PWWP2A: variants seen among roughly 807,000 people sequenced by gnomAD.
The protein encoded by PWWP2A is PWWP domain containing 2A.
In PWWP2A, 18 loss-of-function variants were observed where a neutral mutation model predicts 48.5. That is an observed-to-expected ratio of 0.37 (90% CI 0.26 to 0.55). The LOEUF (loss-of-function observed/expected upper bound fraction) is 0.55. PWWP2A is among the 20% of genes least tolerant of loss of function. The probability of loss-of-function intolerance (pLI) is 0.81; values close to 1 mark genes in which losing one functional copy is unlikely to be tolerated. For synonymous variants in PWWP2A, 396 were observed against 387.7 expected (o/e 1.02, Z -0.25); for missense variants, 867 against 976.4 (o/e 0.89, Z 1.49).
chr5:160,079,159 C>T (rs1382420929), intron 3 of PWWP2A, among the ~76,000 whole-genome samples: 2 of 152,066 alleles, frequency 1.3e-5, no homozygotes, highest in Non-Finnish European at 2.9e-5. Flanking sequence ...ACACATCAAA[C>T]ACAATGCAAC....
intron 1 of PWWP2A, among the ~76,000 whole-genome samples, chr5:160,100,634 T>G (rs1448787799): frequency 6.6e-6 from 1 of 152,034 alleles, no homozygotes; most frequent in African/African-American, 2.4e-5. Context: ...AACAATAATA[T>G]CCAGATTCAT....
At chr5:160,053,110 C>T in the PWWP2A span, among the ~76,000 whole-genome samples, 1 of 152,092 alleles carries the variant, frequency 6.6e-6, no homozygotes, top group Non-Finnish European at 1.5e-5. Context: ...ATTCCTTCCT[C>T]CTTGTTGCTG....
chr5:160,067,537 A>C (rs1466190016), intron 2 of PWWP2A, among the ~76,000 whole-genome samples: 1 of 152,162 alleles, frequency 6.6e-6, no homozygotes, highest in Non-Finnish European at 1.5e-5. Context: ...CGAGACTACC[A>C]TTGCCACGAG....
At chr5:160,086,238 C>T (rs1390089372) in intron 2 of PWWP2A, among the ~76,000 whole-genome samples, 1 of 152,186 alleles carries the variant, frequency 6.6e-6, no homozygotes, top group Non-Finnish European at 1.5e-5. Flanking sequence ...AAATATTTAG[C>T]TGGGCACAGT....
downstream of PWWP2A, among the ~76,000 whole-genome samples, chr5:160,059,513 A>T (rs1757640151): frequency 6.6e-6 from 1 of 152,212 alleles, no homozygotes; most frequent in Non-Finnish European, 1.5e-5. Context: ...TCATGTGTTC[A>T]TTGAAGTAGC....
chr5:160,097,336 CAAAAAAAAAAAAAAA>C (rs70987999), intron 1 of PWWP2A, among the ~76,000 whole-genome samples: 2 of 34,360 alleles, frequency 5.8e-5, no homozygotes, highest in Non-Finnish European at 1.0e-4. Context: ...GCCTTTGTCT[CAAAAAAAAAAAAAAA>C]AAAAAAAAAA....
At chr5:160,086,196 A>G (rs28583987) in intron 2 of PWWP2A, among the ~76,000 whole-genome samples, 41 of 152,298 alleles carry the variant, frequency 2.7e-4, no homozygotes, top group African/African-American at 9.9e-4. Flanking sequence ...CTTTTTAATG[A>G]TACTTTACAA....
chr5:160,109,772 A>AATATATATATATAT (rs1255060123), intron 1 of PWWP2A, among the ~76,000 whole-genome samples: 1 of 27,874 alleles, frequency 3.6e-5, no homozygotes, highest in Non-Finnish European at 6.9e-5. Flanking sequence ...AAAAAAAAAA[A>AATATATATATATAT]AAATATATAT....
At chr5:160,056,170 T>A in the PWWP2A span, among the ~76,000 whole-genome samples, 1 of 152,280 alleles carries the variant, frequency 6.6e-6, no homozygotes, top group African/African-American at 2.4e-5. Context: ...AAAGAAACCA[T>A]AACACAAAGA....
At chr5:160,110,029 TTC>T (rs1345460921) in intron 1 of PWWP2A, among the ~76,000 whole-genome samples, 25 of 151,310 alleles carry the variant, frequency 1.7e-4, no homozygotes, top group Admixed American at 1.1e-3. Context: ...CTTTTTTTTT[TTC>T]TTTTTTTGAG....
In PWWP2A at chr5:160,093,236, G is replaced by C; in HGVS notation, c.1414C>G (p.Pro472Ala). Reference sequence around the variant, plus strand: ...CTCTGTGGTTTTAAACGAACCCGGGGTGGAAGGGAACCTGAGCTAGGATTC... The same window carrying C: ...CTCTGTGGTTTTAAACGAACCCGGGCTGGAAGGGAACCTGAGCTAGGATTC... ...YQNPSSGSLP[P>A]RVRLKPQRYR... The change falls in exon 2 of 2, where the codon CCC becomes GCC. Residue 472 changes from proline to alanine, a missense_variant. Transcript: ENST00000307063. This position sits in a 1 kb window ranked among gnomAD's most constrained non-coding sequence, Gnocchi z 5.8. The C allele has an allele frequency of 6.2e-7, 1 of 1,614,030 alleles. No individual in the cohort carries two copies. The highest frequency in any genetic ancestry group is 1.1e-5 in the South Asian group (1 of 91,086).
chr5:160,118,897 G>T lies in PWWP2A; in HGVS notation c.492C>A (p.Val164=). The change falls in exon 1 of 2, where the codon GTC becomes GTA. Residue 164 remains valine, a synonymous_variant. Coordinates refer to ENST00000307063, the MANE Select transcript of PWWP2A (RefSeq NM_001130864.2). ...CGTCCTCAATGATGTGGTCCAGCGT[G>T]ACCCGCACCTCCGAGCCCGGGATCA... ...SQLIPGSEVR[V]TLDHIIEDAL... is the part of the protein sequence containing the mutation. 6.2e-7 allele frequency: 1 copy of T among 1,601,996 alleles called. No homozygotes were observed. Among genetic ancestry groups the T allele is most frequent in the East Asian group, 2.3e-5 (1 of 43,640 alleles).
Position 160,092,522 on chromosome 5 carries a change from A to G in PWWP2A, c.2128T>C (p.Ser710Pro). ...TTSFLALSQL[S>P]PFLENFQSRF... ...GACTGGAAGTTTTCTAAAAAGGGGG[A>G]GAGTTGTGAAAGAGCAAGGAAAGAT... The change falls in exon 2 of 2, where the codon TCC becomes CCC. Residue 710 changes from serine (S) to proline (P), a missense_variant. Ser to Pro is a moderately conservative substitution (Grantham distance 74, BLOSUM62 -1). This residue lies in a region of PWWP2A where 97 missense variants were observed against 151.7 expected (regional missense o/e 0.64). Transcript: ENST00000307063. 1.3e-6 allele frequency: 2 copies of G among 1,551,486 alleles called. No homozygotes were observed. The highest frequency in any genetic ancestry group is 1.7e-6 in the Non-Finnish European group (2 of 1,146,958).
intron 1 of PWWP2A, among the ~76,000 whole-genome samples, chr5:160,107,933 G>A (rs1364897211): frequency 3.9e-5 from 6 of 152,078 alleles, no homozygotes; most frequent in Non-Finnish European, 7.4e-5. Flanking sequence ...CCCGAAAGGC[G>A]GAGGTTCCAG....
intron 4 of PWWP2A, chr5:160,064,889 G>A: frequency 6.3e-7 from 1 of 1,589,576 alleles, no homozygotes. Flanking sequence ...TCCTGCTTCT[G>A]TTCATTCCTG....
At chr5:160,081,307 C>T (rs1754216472) in intron 2 of PWWP2A, among the ~76,000 whole-genome samples, 3 of 147,502 alleles carry the variant, frequency 2.0e-5, no homozygotes, top group Non-Finnish European at 4.4e-5. Flanking sequence ...GGCACGATCT[C>T]GGCTCACTGC....
chr5:160,079,641 A>C (rs1226371565), intron 3 of PWWP2A, among the ~76,000 whole-genome samples: 4 of 152,216 alleles, frequency 2.6e-5, no homozygotes, highest in Non-Finnish European at 4.4e-5. Flanking sequence ...ATTTCCTTCT[A>C]TTTATGACTC....
rs989607370 is a variant in PWWP2A, at chr5:160,119,430, G to A, written c.-42C>T. On this transcript the variant is annotated 5_prime_UTR_variant, in exon 1 of 2. Coordinates refer to ENST00000307063, the MANE Select transcript of PWWP2A (RefSeq NM_001130864.2). ...CCCTCCTCCAACTCCGGCTGCAGCG[G>A]CGGCGGCGACAGCGCTGCTTGGTTC... 1.0e-5 allele frequency: 14 copies of A among 1,353,042 alleles called. No homozygotes were observed. The highest frequency in any genetic ancestry group is 4.0e-4 in the Middle Eastern group (2 of 4,980). The allele number at this position is 1,353,042 out of a possible 1,614,324, so 83.8% of individuals were successfully genotyped here. A position where few individuals can be genotyped will look rare whatever the true frequency, so the allele number is the denominator to read the frequency against.
At chr5:160,109,824 T>TATATATATATATATAAAATAATATAATA (rs1561699111) in intron 1 of PWWP2A, among the ~76,000 whole-genome samples, 46 of 91,522 alleles carry the variant, frequency 5.0e-4, no homozygotes, top group South Asian at 3.4e-3. Flanking sequence ...AATATAATAA[T>TATATATATATATATAAAATAATATAATA]ATATATATAT....
Sources: allele counts gnomAD v4.1 joint callset (sites outside exome capture counted in the v4.1 genomes callset), GRCh38; gene constraint gnomAD v4.1.1; regional missense constraint gnomAD v4.1.1; non-coding constraint Gnocchi (gnomAD v3.1); transcripts MANE v1.5; gene names NCBI Gene and HGNC (gene_info 2026-07-23, HGNC 2026-07-21).